The following MADD variants were observed in gnomAD, a reference collection of about 807,000 sequenced individuals.
The protein encoded by MADD is MAP kinase-activating death domain protein.
In MADD, 109 loss-of-function variants were observed where a neutral mutation model predicts 176.7. The observed-to-expected ratio is 0.62, with a 90% CI of 0.53 to 0.72. The LOEUF (loss-of-function observed/expected upper bound fraction) is 0.72. MADD is among the 30% of genes least tolerant of loss of function. The pLI is 0.00. For synonymous variants in MADD, 771 were observed against 771.3 expected (o/e 1.00, Z 0.01); for missense variants, 1,914 against 2,045.5 (o/e 0.94, Z 1.24).
chr11:47,323,733 C>G lies in MADD; in HGVS notation c.4260C>G (p.Tyr1420Ter). ...GAACAGTGTATGAGCGCTGGTGGTACGAGAAGCTCATCAACATGACCTACT... is the reference window on the plus strand; with the variant it reads ...GAACAGTGTATGAGCGCTGGTGGTAGGAGAAGCTCATCAACATGACCTACT... Residue 1420 changes from tyrosine (Y) to a stop codon, truncating the protein, a stop_gained, in exon 28 of 33, where the codon TAC (tyrosine) becomes TAG (stop). Coordinates refer to ENST00000402192, the Ensembl canonical transcript of MADD. LOFTEE classifies it high-confidence loss of function. 6.2e-7 allele frequency: 1 copy of G among 1,614,082 alleles called. No individual in the cohort carries two copies. Among genetic ancestry groups the G allele is most frequent in the Non-Finnish European group, 8.5e-7 (1 of 1,179,990 alleles).
At chr11:47,309,247 A>G (rs1369080015) in intron 23 of MADD, 34 bp from the exon 27 acceptor site, 1 of 1,600,206 alleles carries the variant, frequency 6.2e-7, no homozygotes, top group South Asian at 1.1e-5. Context: ...TTAAATGTTA[A>G]ATAGGCCCCC....
At chr11:47,287,782 A>ATTTT (rs57417064) in intron 15 of MADD, among the ~76,000 whole-genome samples, 41 of 55,024 alleles carry the variant, frequency 7.5e-4, no homozygotes, top group Non-Finnish European at 9.6e-4. Context: ...AGAAACATGT[A>ATTTT]TTTTTTTTTT....
At chr11:47,324,898 C>T (rs2095235607) in intron 30 of MADD, 2 of 604,106 alleles carry the variant, frequency 3.3e-6, no homozygotes, top group Non-Finnish European at 5.9e-6. Context: ...TGCAGTGTCT[C>T]TGCCTTCCTC....
Position 47,289,414 on chromosome 11 carries a change from C to T in MADD, c.2677C>T (p.Gln893Ter). 6.2e-7 allele frequency: 1 copy of T among 1,614,158 alleles called. No individual in the cohort carries two copies. The highest frequency in any genetic ancestry group is 8.5e-7 in the Non-Finnish European group (1 of 1,179,994). The change falls in exon 16 of 33, where the codon CAG (glutamine) becomes TAG (stop). Residue 893 changes from glutamine to a stop codon, truncating the protein, a stop_gained. Coordinates refer to ENST00000402192, the Ensembl canonical transcript of MADD. LOFTEE classifies it high-confidence loss of function. ...AGGAAACAGGAGGGCGTTAGTGGATCAGAAGTCATCTGTCATTAAACACAG... is the reference window on the plus strand; with the variant it reads ...AGGAAACAGGAGGGCGTTAGTGGATTAGAAGTCATCTGTCATTAAACACAG...
chr11:47,316,186 C>T (rs1056647171), intron 27 of MADD, among the ~76,000 whole-genome samples: 3 of 151,868 alleles, frequency 2.0e-5, no homozygotes, highest in Non-Finnish European at 4.4e-5. Flanking sequence ...CACACATATA[C>T]ATAAAGATAT....
intron 15 of MADD, 30 bp downstream of exon 16, chr11:47,289,057 C>CTT: frequency 2.5e-5 from 36 of 1,448,666 alleles, no homozygotes; most frequent in Middle Eastern, 1.9e-4. Context: ...TGTGCATGAT[C>CTT]TTTTTTTTTT....
intron 20 of MADD, among the ~76,000 whole-genome samples, chr11:47,294,339 A>G (rs1247943027): frequency 1.4e-5 from 2 of 140,766 alleles, no homozygotes; most frequent in Non-Finnish European, 3.0e-5. Context: ...CAAAGGTGAA[A>G]CTCCATCTCA....
intron 31 of MADD, 60 bp from the exon 36 acceptor site, chr11:47,328,598 A>G: frequency 1.2e-6 from 2 of 1,611,846 alleles, no homozygotes; most frequent in Non-Finnish European, 1.7e-6. Flanking sequence ...CTGGGGGAGC[A>G]TGGCACGATT....
chr11:47,298,652 C>T (rs1362101122), intron 22 of MADD, among the ~76,000 whole-genome samples: 2 of 152,084 alleles, frequency 1.3e-5, no homozygotes, highest in African/African-American at 4.8e-5. Context: ...CTCATTTCAT[C>T]GTGTCCTTTG....
intron 22 of MADD, among the ~76,000 whole-genome samples, chr11:47,308,075 C>T (rs1017193726): frequency 1.3e-5 from 2 of 152,234 alleles, no homozygotes; most frequent in African/African-American, 4.8e-5. Context: ...GAACATTTCT[C>T]AGTTACTGGC....
exon 9 of MADD, chr11:47,282,452 G>A (rs755694596): frequency 1.9e-6 from 3 of 1,614,144 alleles, no homozygotes; most frequent in Admixed American, 1.7e-5. Context: ...CGTACCCTGC[G>A]CCTCTTTCCT....
chr11:47,313,841 C>T (rs1314772328), intron 26 of MADD, among the ~76,000 whole-genome samples: 1 of 151,834 alleles, frequency 6.6e-6, no homozygotes, highest in Non-Finnish European at 1.5e-5. Context: ...CTCACTACAA[C>T]CTCCGCCTCC....
intron 7 of MADD, among the ~76,000 whole-genome samples, chr11:47,281,016 G>C (rs1319295583): frequency 2.6e-5 from 4 of 152,188 alleles, no homozygotes; most frequent in African/African-American, 4.8e-5. Flanking sequence ...CAGGCATATT[G>C]AATCGGGATC....
intron 8 of MADD, 34 bp downstream of exon 8, chr11:47,281,787 TTAAA>T: frequency 4.6e-6 from 7 of 1,515,352 alleles, no homozygotes; most frequent in Admixed American, 2.0e-5. Context: ...TCACAAGTTC[TTAAA>T]TTAATTTCTT....
Position 47,328,717 on chromosome 11 carries a change from C to T in MADD, c.4659+13C>T, listed in dbSNP as rs768488855. 6.8e-6 allele frequency: 11 copies of T among 1,614,158 alleles called. No homozygotes were observed. Among genetic ancestry groups the T allele is most frequent in the Non-Finnish European group, 8.5e-6 (10 of 1,180,010 alleles). On this transcript the variant is annotated intron_variant, in intron 32 of 32. Coordinates refer to ENST00000402192, the Ensembl canonical transcript of MADD. ...CAAGACACCAATGGTGAGTGTGCCG[C>T]TCAACCCTGATGGGCCACGGTGCGC... is the stretch of plus-strand genomic sequence containing the variant.
At chr11:47,309,725 C>T in intron 25 of MADD, 113 bp downstream of exon 28, 2 of 738,824 alleles carry the variant, frequency 2.7e-6, no homozygotes, top group Admixed American at 2.3e-5. Flanking sequence ...TAACTTAGGG[C>T]TATCTTCTTG....
chr11:47,327,568 CCT>C (rs2095588784), intron 31 of MADD: 2 of 985,264 alleles, frequency 2.0e-6, no homozygotes, highest in Admixed American at 6.1e-5. Context: ...TCTCCCCTAC[CCT>C]CTTTCTTCCT....
At position 47,289,394 on chromosome 11, in the gene MADD, A is replaced by G. The variant is rs201042637; in HGVS notation, c.2657A>G (p.Asn886Ser). 256 of 1,613,454 alleles carry G rather than the reference A, an allele frequency of 1.6e-4. 2 individuals are homozygous for G. In the Admixed American group the frequency reaches 4.2e-3, roughly 27 times the overall value. ...ATTCCTGCCTTCCCTGCCACAGGAA[A>G]CAGGAGGGCGTTAGTGGATCAGAAG... is the stretch of plus-strand genomic sequence containing the variant. Residue 886 changes from asparagine (N) to serine (S), a missense_variant, in exon 16 of 33, where the codon AAC becomes AGC. Asn to Ser is a conservative substitution (Grantham distance 46). Coordinates refer to ENST00000402192, the Ensembl canonical transcript of MADD.
chr11:47,311,796 T>G (rs756795627), exon 26 of MADD: 27 of 1,614,124 alleles, frequency 1.7e-5, no homozygotes, highest in Non-Finnish European at 2.3e-5. Flanking sequence ...ATTGGGCTTG[T>G]GTACAGCCAG....
Sources: allele counts gnomAD v4.1 joint callset (sites outside exome capture counted in the v4.1 genomes callset), GRCh38; gene constraint gnomAD v4.1.1; transcripts MANE v1.5; gene names NCBI Gene and HGNC (gene_info 2026-07-23, HGNC 2026-07-21).